Variants in CRACD observed in about 807,000 individuals in gnomAD.
The protein encoded by CRACD is capping protein-inhibiting regulator of actin dynamics.
In CRACD, 56 loss-of-function variants were observed where a neutral mutation model predicts 106.8. That is an observed-to-expected ratio of 0.52 (90% CI 0.42 to 0.66). The LOEUF (loss-of-function observed/expected upper bound fraction) is 0.66, where lower values mean the gene tolerates loss of function less well. Ranked by LOEUF, CRACD falls within the 30% of genes least tolerant of loss-of-function variation. CRACD has a pLI of 0.00. For missense variants in CRACD, 1,730 were observed against 1,623.2 expected, an observed-to-expected ratio of 1.07 and a Z score of -1.13; for synonymous variants, 754 against 670.8, an observed-to-expected ratio of 1.12 and a Z score of -1.92.
intron 1 of CRACD, among the ~76,000 whole-genome samples, chr4:56,144,713 T>A (rs2109882084): frequency 6.6e-6 from 1 of 151,792 alleles, no homozygotes; most frequent in East Asian, 1.9e-4. Flanking sequence ...TGGAGTGCAG[T>A]GGCACAATCT....
Position 56,324,249 on chromosome 4 carries a change from T to C in CRACD, c.3524T>C (p.Leu1175Pro), listed in dbSNP as rs1214039644. 6.2e-7 allele frequency: 1 copy of C among 1,613,458 alleles called. No homozygotes were observed. ...RREQLKKANT[L>P]PTSVTVEISD... is the part of the protein sequence containing the mutation. The stretch of plus-strand genomic sequence containing the variant: ...GAACAGCTGAAAAAGGCCAATACTC[T>C]TCCTACGTCTGTGACAGGTAGAGAG... Residue 1175 changes from leucine to proline, a missense_variant, in exon 10 of 11, where the codon CTT (leucine) becomes CCT (proline). Leu to Pro is a moderately conservative substitution (Grantham distance 98). This residue lies in a region of CRACD where 89 missense variants were observed against 89.6 expected (regional missense o/e 0.99). Transcript: ENST00000682029.
intron 2 of CRACD, among the ~76,000 whole-genome samples, chr4:56,245,898 T>G (rs1469558747): frequency 1.3e-5 from 2 of 152,218 alleles, no homozygotes; most frequent in Admixed American, 6.5e-5. Context: ...CTTGCAACAC[T>G]GAATTGCTTT....
chr4:56,248,075 T>C (rs1300759089), intron 2 of CRACD, among the ~76,000 whole-genome samples: 2 of 152,210 alleles, frequency 1.3e-5, no homozygotes, highest in Non-Finnish European at 2.9e-5. Flanking sequence ...GGTGGGACTG[T>C]GGGATCCCAC....
chr4:56,188,735 G>A (rs1009621329), intron 2 of CRACD, among the ~76,000 whole-genome samples: 1 of 148,168 alleles, frequency 6.7e-6, no homozygotes, highest in African/African-American at 2.5e-5. Flanking sequence ...GAGAGAGAGA[G>A]GGGTTAACAT....
At chr4:56,066,418 C>T (rs1323811004) in intron 1 of CRACD, among the ~76,000 whole-genome samples, 2 of 152,122 alleles carry the variant, frequency 1.3e-5, no homozygotes, top group Non-Finnish European at 2.9e-5. Flanking sequence ...TGGCTCATGG[C>T]TGTAATCCAA....
intron 4 of CRACD, chr4:56,301,346 T>C: frequency 1.4e-6 from 1 of 700,458 alleles, no homozygotes; most frequent in Non-Finnish European, 2.1e-6. Context: ...GTAAGCAGCC[T>C]AAGAGACCGC....
chr4:56,226,617 C>CA (rs1739317226), intron 2 of CRACD, among the ~76,000 whole-genome samples: 1 of 152,084 alleles, frequency 6.6e-6, no homozygotes, highest in African/African-American at 2.4e-5. Flanking sequence ...GTTTGTCCCC[C>CA]AAACCTCATG....
At chr4:56,061,557 C>T (rs1732277104) in intron 1 of CRACD, among the ~76,000 whole-genome samples, 1 of 152,026 alleles carries the variant, frequency 6.6e-6, no homozygotes, top group African/African-American at 2.4e-5. Flanking sequence ...TTCCATGTCA[C>T]TCTGCATGAG....
intron 1 of CRACD, among the ~76,000 whole-genome samples, chr4:56,137,566 A>G (rs115002170): frequency 0.01 from 1,577 of 152,326 alleles, 25 homozygotes; most frequent in African/African-American, 0.036. Context: ...ATTGCTTCAG[A>G]TATTTTGTCC....
At chr4:56,324,054 C>T in intron 9 of CRACD, 50 bp from the exon 10 acceptor site, 1 of 1,555,934 alleles carries the variant, frequency 6.4e-7, no homozygotes, top group Non-Finnish European at 8.7e-7. Flanking sequence ...TCAGTCTTTC[C>T]ATGTCTTAGG....
At chr4:56,075,173 T>C in intron 1 of CRACD, among the ~76,000 whole-genome samples, 1 of 152,170 alleles carries the variant, frequency 6.6e-6, no homozygotes, top group Non-Finnish European at 1.5e-5. Flanking sequence ...TCTGCCAGAT[T>C]TTGGTATCAG....
At chr4:56,129,414 A>T (rs1734754806) in intron 1 of CRACD, among the ~76,000 whole-genome samples, 1 of 152,236 alleles carries the variant, frequency 6.6e-6, no homozygotes. Flanking sequence ...GAGAACACAA[A>T]GGCAAAAAGC....
At chr4:56,106,184 A>G (rs1466595939) in intron 1 of CRACD, among the ~76,000 whole-genome samples, 1 of 152,120 alleles carries the variant, frequency 6.6e-6, no homozygotes, top group Non-Finnish European at 1.5e-5. Flanking sequence ...GCAAGTCCAG[A>G]CTTCTTGTCT....
At position 56,316,319 on chromosome 4, in the gene CRACD, C is replaced by T. The variant is rs368711636; in HGVS notation, c.2817C>T (p.Ala939=). The change falls in exon 8 of 11, where the codon GCC becomes GCT. Residue 939 remains alanine, a synonymous_variant. Coordinates refer to ENST00000682029, the MANE Select transcript of CRACD (RefSeq NM_001393381.1). The part of the protein sequence containing the change: ...VPVAHPGPPP[A]SSQTPAPEHD... ...TGGCCCACCCTGGGCCTCCACCGGC[C>T]AGCAGCCAGACCCCGGCTCCGGAGC... is the stretch of plus-strand genomic sequence containing the variant. 1.8e-4 allele frequency: 294 copies of T among 1,613,908 alleles called. No individual in the cohort carries two copies. Among genetic ancestry groups the T allele is most frequent in the Non-Finnish European group, 2.1e-4 (251 of 1,179,926 alleles).
At chr4:56,259,877 A>T (rs1741594020) in intron 2 of CRACD, among the ~76,000 whole-genome samples, 1 of 152,122 alleles carries the variant, frequency 6.6e-6, no homozygotes, top group Admixed American at 6.5e-5. Context: ...AATACAGGAG[A>T]TCCCTCAGGG....
At position 56,330,303 on chromosome 4, in the gene CRACD, T is replaced by A. The variant is rs570539323; in HGVS notation, c.*2499T>A. ...CTAGAGGGTTTTTTGTTTACTTTTT[T>A]AATTTTTCAAGTGCAATTGTTTCTT... On this transcript the variant is annotated 3_prime_UTR_variant, in exon 11 of 11. Transcript: ENST00000682029. 1.9e-4 allele frequency among the ~76,000 whole-genome samples: 29 copies of A among 152,306 alleles called. No homozygotes were observed. In the South Asian group the frequency reaches 5.6e-3, roughly 29 times the overall value.
intron 2 of CRACD, among the ~76,000 whole-genome samples, chr4:56,197,926 C>T (rs1190517745): frequency 6.6e-6 from 1 of 152,200 alleles, no homozygotes; most frequent in African/African-American, 2.4e-5. Flanking sequence ...ATCCGCCCGC[C>T]TCGGCCTCCC....
At chr4:56,196,534 T>C (rs1171202529) in intron 2 of CRACD, 2 of 152,686 alleles carry the variant, frequency 1.3e-5, no homozygotes, top group African/African-American at 4.8e-5. Flanking sequence ...AATAGATAAA[T>C]TGTACAATAA....
chr4:56,076,517 C>T (rs1361340758), intron 1 of CRACD, among the ~76,000 whole-genome samples: 5 of 152,162 alleles, frequency 3.3e-5, no homozygotes, highest in Admixed American at 6.5e-5. Flanking sequence ...AGAATTTACC[C>T]TTCCACATCA....
Sources: allele counts gnomAD v4.1 joint callset (sites outside exome capture counted in the v4.1 genomes callset), GRCh38; gene constraint gnomAD v4.1.1; regional missense constraint gnomAD v4.1.1; transcripts MANE v1.5; gene names NCBI Gene and HGNC (gene_info 2026-07-23, HGNC 2026-07-21).